Variants in RIMS2 observed in about 807,000 individuals in gnomAD.
RIMS2 encodes regulating synaptic membrane exocytosis protein 2.
Under a neutral mutation model 174.4 loss-of-function variants are expected in RIMS2, and 59 were observed. That is an observed-to-expected ratio of 0.34 (90% CI 0.27 to 0.42). The LOEUF (loss-of-function observed/expected upper bound fraction) is 0.42, where lower values mean the gene tolerates loss of function less well. Ranked by LOEUF, RIMS2 falls within the 10% of genes least tolerant of loss-of-function variation. The pLI, the probability that RIMS2 is intolerant of heterozygous loss-of-function variation, is 1.00. For missense variants in RIMS2, 1,620 were observed against 1,666.3 expected (o/e 0.97, Z 0.48); for synonymous variants, 606 against 572.5 (o/e 1.06, Z -0.84).
chr8:103,715,482 A>G (rs140064614), intron 2 of RIMS2, among the ~76,000 whole-genome samples: 118 of 152,264 alleles, frequency 7.7e-4, no homozygotes, highest in African/African-American at 2.6e-3. Context: ...ACTATCACCC[A>G]TATTTCAAAG....
chr8:103,783,163 T>C (rs1405488776), intron 3 of RIMS2, among the ~76,000 whole-genome samples: 2 of 152,150 alleles, frequency 1.3e-5, no homozygotes, highest in African/African-American at 4.8e-5. Flanking sequence ...GTTGACAGAA[T>C]TCACTGCCTT....
intron 19 of RIMS2, among the ~76,000 whole-genome samples, chr8:104,071,726 A>G (rs565804883): frequency 5.4e-4 from 82 of 152,080 alleles, no homozygotes; most frequent in Middle Eastern, 3.4e-3. Context: ...ATGAGCCACC[A>G]CGCCCGGCCG....
chr8:104,251,472 A>T (rs1422216945), intron 23 of RIMS2, 130 bp from the exon 30 acceptor site: 8 of 651,180 alleles, frequency 1.2e-5, no homozygotes, highest in Non-Finnish European at 1.9e-5. Flanking sequence ...CTATTCTATT[A>T]TGCAGATTTT....
intron 1 of RIMS2, among the ~76,000 whole-genome samples, chr8:103,623,092 G>C (rs2095674067): frequency 6.6e-6 from 1 of 152,238 alleles, no homozygotes; most frequent in East Asian, 1.9e-4. Context: ...AATTTGATCT[G>C]ACATATTGAA....
chr8:103,743,213 C>A (rs865833183), intron 2 of RIMS2, among the ~76,000 whole-genome samples: 1 of 152,146 alleles, frequency 6.6e-6, no homozygotes, highest in South Asian at 2.1e-4. Flanking sequence ...AACATCTAAT[C>A]TACAAATGCA....
At chr8:104,239,145 T>G (rs948544721) in intron 19 of RIMS2, among the ~76,000 whole-genome samples, 31 of 152,328 alleles carry the variant, frequency 2.0e-4, no homozygotes, top group African/African-American at 6.7e-4. Context: ...GGGTGGGGCT[T>G]AAAATAGTTT....
chr8:103,529,808 G>T, intron 1 of RIMS2, among the ~76,000 whole-genome samples: 1 of 152,200 alleles, frequency 6.6e-6, no homozygotes, highest in Non-Finnish European at 1.5e-5. Context: ...AATATCCAAT[G>T]TAGATTCTAT....
At chr8:103,897,725 G>T (rs1274236704) in intron 4 of RIMS2, among the ~76,000 whole-genome samples, 2 of 151,638 alleles carry the variant, frequency 1.3e-5, no homozygotes, top group African/African-American at 4.9e-5. Context: ...GGTTTCCACT[G>T]CAGACTACAT....
At chr8:103,955,352 T>C (rs1015352532) in intron 14 of RIMS2, among the ~76,000 whole-genome samples, 2 of 152,102 alleles carry the variant, frequency 1.3e-5, no homozygotes, top group Non-Finnish European at 2.9e-5. Context: ...AAATCCTCAG[T>C]AAAATACTGA....
At chr8:104,148,341 A>T (rs2098660538) in intron 19 of RIMS2, among the ~76,000 whole-genome samples, 1 of 151,984 alleles carries the variant, frequency 6.6e-6, no homozygotes, top group Non-Finnish European at 1.5e-5. Context: ...TTTTTCATGA[A>T]TTTTTTTCCT....
chr8:103,747,128 C>G (rs1008949084), intron 2 of RIMS2, among the ~76,000 whole-genome samples: 1 of 151,294 alleles, frequency 6.6e-6, no homozygotes, highest in African/African-American at 2.4e-5. Context: ...TTTTAGGGCA[C>G]ATGTGCATAA....
At chr8:103,677,747 G>A (rs796158094) in intron 1 of RIMS2, among the ~76,000 whole-genome samples, 23 of 152,240 alleles carry the variant, frequency 1.5e-4, no homozygotes, top group African/African-American at 5.1e-4. Context: ...GACTCAGGTA[G>A]CCCCCCAACC....
chr8:103,673,103 C>T (rs749979974), intron 1 of RIMS2, among the ~76,000 whole-genome samples: 10 of 152,324 alleles, frequency 6.6e-5, no homozygotes, highest in South Asian at 6.2e-4. Flanking sequence ...CCATGTCCTG[C>T]GTGCAGGACA....
In RIMS2 at chr8:104,122,855, A is replaced by G. The variant is rs905818595; in HGVS notation, c.3334+108240A>G. Among the ~76,000 whole-genome samples, 3 of 152,170 alleles carry G rather than the reference A, an allele frequency of 2.0e-5. No individual in the cohort carries two copies. In the East Asian group the frequency reaches 5.8e-4, roughly 29 times the overall value. ...TTCAAATGTTTACATTTTCTATTAC[A>G]CTATGTACTTTCTGAATAGAGTACT... On this transcript the variant is annotated intron_variant, in intron 19 of 23. Coordinates refer to ENST00000504942, the Ensembl canonical transcript of RIMS2.
intron 15 of RIMS2, among the ~76,000 whole-genome samples, chr8:103,962,450 G>T (rs6985492): frequency 0.13 from 19,308 of 152,040 alleles, 1,696 homozygotes; most frequent in Non-Finnish European, 0.19. Context: ...TTTCCTATCT[G>T]GACATTATTG....
intron 1 of RIMS2, among the ~76,000 whole-genome samples, chr8:103,507,694 A>T (rs766413585): frequency 6.6e-6 from 1 of 152,148 alleles, no homozygotes; most frequent in Non-Finnish European, 1.5e-5. Flanking sequence ...GACTAAGAGC[A>T]TATCTTTTTT....
intron 1 of RIMS2, among the ~76,000 whole-genome samples, chr8:103,696,862 CAAAAA>C (rs55852238): frequency 7.4e-5 from 4 of 53,722 alleles, no homozygotes; most frequent in African/African-American, 3.0e-4. Context: ...GACTTCGTCT[CAAAAA>C]AAAAAAAAAA....
chr8:104,039,069 A>AAG (rs2096566433), intron 19 of RIMS2, among the ~76,000 whole-genome samples: 1 of 151,792 alleles, frequency 6.6e-6, no homozygotes. Context: ...TGTTGATTCT[A>AAG]AGATAAGTTT....
At chr8:104,028,172 C>A (rs1245941612) in intron 19 of RIMS2, among the ~76,000 whole-genome samples, 2 of 150,282 alleles carry the variant, frequency 1.3e-5, no homozygotes, top group African/African-American at 5.0e-5. Context: ...GTTGTCCAGG[C>A]TGGTCTCAAA....
Sources: allele counts gnomAD v4.1 joint callset (sites outside exome capture counted in the v4.1 genomes callset), GRCh38; gene constraint gnomAD v4.1.1; transcripts MANE v1.5; gene names NCBI Gene and HGNC (gene_info 2026-07-23, HGNC 2026-07-21).